The following CSGALNACT1 variants were observed in gnomAD, a reference collection of about 807,000 sequenced individuals.
CSGALNACT1 encodes the protein beta4GalNAcT-1.
In CSGALNACT1, 52 loss-of-function variants were observed where a neutral mutation model predicts 51.0. That is an observed-to-expected ratio of 1.02 (90% CI 0.82 to 1.29). The LOEUF (loss-of-function observed/expected upper bound fraction) is 1.29. Among genes scored for constraint, CSGALNACT1 ranks in the 50% most tolerant of loss-of-function variants. The pLI is 0.00. For synonymous variants in CSGALNACT1, 341 were observed against 254.4 expected (o/e 1.34, Z -3.24); for missense variants, 935 against 679.2 (o/e 1.38, Z -4.19).
rs1429990510 is a variant in CSGALNACT1 at position 19,439,704 on chromosome 8, A to C, written c.953+126T>G. 5.2e-6 allele frequency: 4 copies of C among 767,534 alleles called. No individual in the cohort carries two copies. The East Asian group carries it at 1.1e-4, about 21-fold the overall frequency. 47.5% of individuals were successfully genotyped at this position (767,534 alleles called of 1,614,324 possible). A position where few individuals can be genotyped will look rare whatever the true frequency, so the allele number is the denominator to read the frequency against. ...AGACTTTTCCCTGAACACAGCCAGC[A>C]ATCAATCCATCCCAGTTCACCCACA... is the stretch of plus-strand genomic sequence containing the variant. On this transcript the variant is annotated intron_variant, in intron 6 of 9. Coordinates refer to ENST00000454498, the Ensembl canonical transcript of CSGALNACT1.
chr8:19,619,397 G>A (rs894071712), intron 1 of CSGALNACT1, among the ~76,000 whole-genome samples: 6 of 152,114 alleles, frequency 3.9e-5, no homozygotes, highest in African/African-American at 7.2e-5. Context: ...GAACCTCTGC[G>A]AAGGGATGGA....
intron 3 of CSGALNACT1, among the ~76,000 whole-genome samples, chr8:19,555,999 T>A (rs1485705091): frequency 6.6e-6 from 1 of 152,128 alleles, no homozygotes; most frequent in African/African-American, 2.4e-5. Context: ...TGTGGTGTGT[T>A]TTTTTACCCT....
intron 2 of CSGALNACT1, among the ~76,000 whole-genome samples, chr8:19,592,148 G>C (rs928704718): frequency 6.6e-6 from 1 of 152,170 alleles, no homozygotes; most frequent in African/African-American, 2.4e-5. Flanking sequence ...AAGGAATATA[G>C]AGACGTAATA....
intron 3 of CSGALNACT1, among the ~76,000 whole-genome samples, chr8:19,541,541 C>T (rs1023550170): frequency 4.0e-5 from 5 of 125,242 alleles, no homozygotes; most frequent in Admixed American, 7.9e-5. Flanking sequence ...TGTGAGCCAC[C>T]GTGCTCAGCC....
intron 1 of CSGALNACT1, among the ~76,000 whole-genome samples, chr8:19,710,922 ATT>A (rs112530120): frequency 6.7e-6 from 1 of 149,604 alleles, no homozygotes; most frequent in Non-Finnish European, 1.5e-5. Flanking sequence ...CTCCTCTCTG[ATT>A]TTTTTTTTCC....
At chr8:19,540,239 C>G (rs903243015) in intron 3 of CSGALNACT1, among the ~76,000 whole-genome samples, 1 of 152,186 alleles carries the variant, frequency 6.6e-6, no homozygotes, top group Non-Finnish European at 1.5e-5. Flanking sequence ...CATGTCCTAT[C>G]CAGTTAATTA....
intron 3 of CSGALNACT1, among the ~76,000 whole-genome samples, chr8:19,572,429 A>C (rs767716929): frequency 1.3e-5 from 2 of 152,224 alleles, no homozygotes; most frequent in Admixed American, 1.3e-4. Flanking sequence ...AACATGAGAA[A>C]TCAAGAAAGC....
chr8:19,465,403 G>A (rs1168073957), intron 4 of CSGALNACT1, among the ~76,000 whole-genome samples: 1 of 152,168 alleles, frequency 6.6e-6, no homozygotes, highest in Non-Finnish European at 1.5e-5. Context: ...GAAGATGAAA[G>A]TACTCTGAAG....
chr8:19,442,944 C>A (rs1049659402), intron 5 of CSGALNACT1, among the ~76,000 whole-genome samples: 1 of 152,158 alleles, frequency 6.6e-6, no homozygotes, highest in Non-Finnish European at 1.5e-5. Flanking sequence ...AGAACAGTCA[C>A]TGAAGTTCAC....
intron 5 of CSGALNACT1, among the ~76,000 whole-genome samples, chr8:19,450,435 T>G (rs117898893): frequency 0.029 from 4,405 of 152,082 alleles, 86 homozygotes; most frequent in Non-Finnish European, 0.045. Flanking sequence ...GAGCTCCCTC[T>G]GTTACCAGCC....
chr8:19,483,949 G>A (rs1423955335), intron 4 of CSGALNACT1, among the ~76,000 whole-genome samples: 1 of 152,044 alleles, frequency 6.6e-6, no homozygotes, highest in East Asian at 1.9e-4. Flanking sequence ...AGTCAATTGA[G>A]GTCCAAAAAT....
chr8:19,662,081 C>CCCCCCCCCT (rs1589344812), intron 1 of CSGALNACT1, among the ~76,000 whole-genome samples: 1 of 97,900 alleles, frequency 1.0e-5, no homozygotes, highest in African/African-American at 3.8e-5. Context: ...CCCACCCCCC[C>CCCCCCCCCT]CCCCCCCCGC....
intron 4 of CSGALNACT1, among the ~76,000 whole-genome samples, chr8:19,461,041 A>C (rs1426504783): frequency 6.6e-6 from 1 of 152,166 alleles, no homozygotes; most frequent in Non-Finnish European, 1.5e-5. Flanking sequence ...ACACGGAGGA[A>C]TTACAAGGAC....
chr8:19,719,124 A>G (rs566863686), intron 1 of CSGALNACT1, among the ~76,000 whole-genome samples: 19 of 152,290 alleles, frequency 1.2e-4, no homozygotes, highest in South Asian at 4.1e-4. Flanking sequence ...ACACATATAC[A>G]ATATACACAT....
chr8:19,447,575 T>A (rs1417722396), intron 5 of CSGALNACT1, among the ~76,000 whole-genome samples: 3 of 152,284 alleles, frequency 2.0e-5, no homozygotes, highest in Admixed American at 1.3e-4. Flanking sequence ...ATGTACACAA[T>A]AGGATGTGTG....
chr8:19,404,848 C>G (rs1325625382), exon 10 of CSGALNACT1: 1 of 454,354 alleles, frequency 2.2e-6, no homozygotes, highest in Non-Finnish European at 4.4e-6. Context: ...ATTTTCTTTT[C>G]CTCCAGTGTT....
chr8:19,459,485 T>C (rs2064904056), intron 4 of CSGALNACT1, among the ~76,000 whole-genome samples: 1 of 151,490 alleles, frequency 6.6e-6, no homozygotes, highest in African/African-American at 2.4e-5. Flanking sequence ...TCAGTTCTGG[T>C]CACATGGGTT....
chr8:19,452,633 G>A (rs2063385571), intron 5 of CSGALNACT1, among the ~76,000 whole-genome samples: 2 of 152,158 alleles, frequency 1.3e-5, no homozygotes, highest in African/African-American at 4.8e-5. Flanking sequence ...CGTGGAAAGA[G>A]CTGCTGAAGA....
At chr8:19,700,953 CAATGA>C (rs1315865010) in intron 1 of CSGALNACT1, among the ~76,000 whole-genome samples, 1 of 151,948 alleles carries the variant, frequency 6.6e-6, no homozygotes. Flanking sequence ...CAGGGATAGC[CAATGA>C]AATGTCAGTG....
Sources: allele counts gnomAD v4.1 joint callset (sites outside exome capture counted in the v4.1 genomes callset), GRCh38; gene constraint gnomAD v4.1.1; transcripts MANE v1.5; gene names NCBI Gene and HGNC (gene_info 2026-07-23, HGNC 2026-07-21).